PTPRM: variants seen among roughly 807,000 people sequenced by gnomAD.
The protein encoded by PTPRM is protein tyrosine phosphatase receptor type M.
A neutral mutation model predicts 186.7 loss-of-function variants in PTPRM; 47 were observed. That is an observed-to-expected ratio of 0.25 (90% confidence interval 0.20 to 0.32). The LOEUF (loss-of-function observed/expected upper bound fraction) is 0.32, where lower values mean the gene tolerates loss of function less well. PTPRM is among the 10% of genes least tolerant of loss of function. PTPRM has a pLI of 1.00. For missense variants in PTPRM, 1,494 were observed against 1,865.0 expected, an observed-to-expected ratio of 0.80 and a Z score of 3.66; for synonymous variants, 668 against 674.9, an observed-to-expected ratio of 0.99 and a Z score of 0.16.
chr18:7,698,604 T>A (rs1385572140), intron 1 of PTPRM, among the ~76,000 whole-genome samples: 1 of 152,210 alleles, frequency 6.6e-6, no homozygotes, highest in African/African-American at 2.4e-5. Flanking sequence ...GCCATCTTTA[T>A]TTTCTGAGTA....
intron 23 of PTPRM, among the ~76,000 whole-genome samples, chr18:8,355,455 A>C (rs1466054947): frequency 7.9e-5 from 12 of 152,088 alleles, no homozygotes; most frequent in Admixed American, 7.9e-4. Flanking sequence ...GAGATAGGGA[A>C]TGGGGATTCT....
At chr18:7,898,225 A>G (rs2049469726) in intron 3 of PTPRM, among the ~76,000 whole-genome samples, 1 of 152,198 alleles carries the variant, frequency 6.6e-6, no homozygotes. Flanking sequence ...CCACCTTTGC[A>G]TTTTATTTAA....
chr18:8,177,581 TAGC>T (rs2093504470), intron 14 of PTPRM, among the ~76,000 whole-genome samples: 1 of 152,220 alleles, frequency 6.6e-6, no homozygotes, highest in Admixed American at 6.5e-5. Flanking sequence ...ATACTCCTCT[TAGC>T]AGCAGCAAAT....
At position 8,343,516 on chromosome 18, in the gene PTPRM, G is replaced by T; in HGVS notation, c.3050G>T (p.Gly1017Val). 6.2e-7 allele frequency: 1 copy of T among 1,613,858 alleles called. No individual in the cohort carries two copies. The change falls in exon 23 of 33, where the codon GGA becomes GTA. Residue 1017 changes from glycine to valine, a missense_variant. Gly to Val is a moderately radical substitution (Grantham distance 109). Coordinates refer to ENST00000580170, the MANE Select transcript of PTPRM (RefSeq NM_001105244.2). Reference sequence around the variant, plus strand: ...ATGGTGACCAATCTTGTGGAAGTGGGAAGGGTGAGTGGACCGTCTGCTGCA... The same window carrying T: ...ATGGTGACCAATCTTGTGGAAGTGGTAAGGGTGAGTGGACCGTCTGCTGCA... ...IIMVTNLVEV[G>V]RVKCCKYWPD...
intron 2 of PTPRM, among the ~76,000 whole-genome samples, chr18:7,874,284 T>C (rs2048121339): frequency 6.6e-6 from 1 of 152,098 alleles, no homozygotes; most frequent in Admixed American, 6.5e-5. Context: ...TGACATTTTA[T>C]AAAGGCATAT....
chr18:7,816,615 G>C (rs147496092), intron 2 of PTPRM, among the ~76,000 whole-genome samples: 1 of 151,906 alleles, frequency 6.6e-6, no homozygotes, highest in Non-Finnish European at 1.5e-5. Context: ...GAAATTTTAC[G>C]TCATTCCTTT....
At chr18:7,850,059 A>G (rs1034563406) in intron 2 of PTPRM, among the ~76,000 whole-genome samples, 1 of 152,198 alleles carries the variant, frequency 6.6e-6, no homozygotes, top group African/African-American at 2.4e-5. Context: ...GCACAGATTG[A>G]GTAACTTGTC....
At chr18:8,011,072 T>A (rs2084498775) in intron 7 of PTPRM, among the ~76,000 whole-genome samples, 1 of 152,190 alleles carries the variant, frequency 6.6e-6, no homozygotes, top group Admixed American at 6.5e-5. Flanking sequence ...GTATTTTGAT[T>A]TAAGAAAATC....
chr18:7,852,472 G>T (rs1456865088), intron 2 of PTPRM, among the ~76,000 whole-genome samples: 1 of 151,960 alleles, frequency 6.6e-6, no homozygotes, highest in African/African-American at 2.4e-5. Context: ...CAGATCATGA[G>T]GTCAGAAGAT....
intron 1 of PTPRM, among the ~76,000 whole-genome samples, chr18:7,609,759 A>G (rs2037627315): frequency 6.6e-6 from 1 of 152,056 alleles, no homozygotes; most frequent in Non-Finnish European, 1.5e-5. Context: ...CTGCCCAGGG[A>G]TGACCATTAG....
At chr18:7,950,576 A>G (rs1433727651) in intron 6 of PTPRM, among the ~76,000 whole-genome samples, 2 of 152,142 alleles carry the variant, frequency 1.3e-5, no homozygotes, top group East Asian at 3.9e-4. Context: ...TGTGTAAGGT[A>G]GATATCAGAT....
chr18:7,735,935 A>G (rs986002869), intron 1 of PTPRM, among the ~76,000 whole-genome samples: 1 of 151,414 alleles, frequency 6.6e-6, no homozygotes, highest in Non-Finnish European at 1.5e-5. Flanking sequence ...TCCTTCTTTG[A>G]CCTGAAAGCA....
chr18:7,827,024 T>A (rs2045520067), intron 2 of PTPRM, among the ~76,000 whole-genome samples: 1 of 152,040 alleles, frequency 6.6e-6, no homozygotes, highest in Admixed American at 6.6e-5. Context: ...ATTGCTTGGG[T>A]CCAGGAGGTC....
chr18:7,884,046 C>G (rs956872905), intron 2 of PTPRM, among the ~76,000 whole-genome samples: 1 of 152,062 alleles, frequency 6.6e-6, no homozygotes, highest in Non-Finnish European at 1.5e-5. Context: ...ACTCGGGAGG[C>G]TGAAATGGGA....
At chr18:8,170,736 C>T (rs903506363) in intron 14 of PTPRM, among the ~76,000 whole-genome samples, 2 of 152,126 alleles carry the variant, frequency 1.3e-5, no homozygotes, top group African/African-American at 4.8e-5. Context: ...TTTTGTCTGG[C>T]CCTGGCATTA....
chr18:7,572,358 C>G (rs1467999926), intron 1 of PTPRM, among the ~76,000 whole-genome samples: 1 of 152,086 alleles, frequency 6.6e-6, no homozygotes, highest in Non-Finnish European at 1.5e-5. Flanking sequence ...GAAGCATAGC[C>G]TAGCCTTTAG....
intron 4 of PTPRM, among the ~76,000 whole-genome samples, chr18:7,916,953 C>A (rs1239400646): frequency 1.3e-5 from 2 of 152,174 alleles, no homozygotes; most frequent in Admixed American, 1.3e-4. Context: ...CCTCTACGCC[C>A]TACCTTTCCT....
chr18:7,912,564 T>A (rs2050329708), intron 4 of PTPRM, among the ~76,000 whole-genome samples: 1 of 152,164 alleles, frequency 6.6e-6, no homozygotes. Context: ...CAGGCTGGAG[T>A]GCAGTGGCAC....
intron 1 of PTPRM, among the ~76,000 whole-genome samples, chr18:7,730,149 C>CTT (rs2040628244): frequency 6.6e-6 from 1 of 152,126 alleles, no homozygotes; most frequent in East Asian, 1.9e-4. Context: ...TCTAAACATA[C>CTT]TAAAATGCAT....
Sources: gnomAD v4.1 joint callset for allele counts (sites outside exome capture counted in the v4.1 genomes callset) on GRCh38, gnomAD v4.1.1 for gene constraint, MANE v1.5 for transcripts, NCBI Gene and HGNC (gene_info 2026-07-23, HGNC 2026-07-21) for gene names.